Variants in INSR observed in about 807,000 individuals in gnomAD.
The protein encoded by INSR is IR.
In INSR, 67 loss-of-function variants were observed where a neutral mutation model predicts 142.6. The observed-to-expected ratio is 0.47, with a 90% CI of 0.39 to 0.58. The LOEUF is 0.58. Ranked by LOEUF, INSR falls within the 20% of genes least tolerant of loss-of-function variation. The pLI is 0.00. For synonymous variants in INSR, 756 were observed against 743.1 expected, an observed-to-expected ratio of 1.02 and a Z score of -0.28; for missense variants, 1,248 against 1,833.2, an observed-to-expected ratio of 0.68 and a Z score of 5.83.
rs971613288 is a variant in INSR, at chr19:7,166,248, A to G, written c.1767T>C (p.Tyr589=). Residue 589 remains tyrosine, a synonymous_variant, in exon 8 of 22, where the codon TAT becomes TAC. Transcript: ENST00000302850. The surrounding 1 kb of genome is among the most constrained non-coding windows in gnomAD (Gnocchi z 4.1). ...LMRGLKPWTQ[Y]AIFVKTLVTF... is the part of the protein sequence containing the mutation. ...TGACCAGGGTCTTCACAAAGATGGC[A>G]TACTGGGTCCAGGGCTTGAGACCCC... 2 of 1,614,144 alleles carry G rather than the reference A, an allele frequency of 1.2e-6. No individual in the cohort carries two copies. The highest frequency in any genetic ancestry group is 1.3e-5 in the African/African-American group (1 of 75,036).
At chr19:7,185,864 GAGAGAGACAA>G (rs1974416228) in intron 2 of INSR, among the ~76,000 whole-genome samples, 1 of 53,868 alleles carries the variant, frequency 1.9e-5, no homozygotes, top group African/African-American at 6.0e-5. Flanking sequence ...AAAAAAGAGA[GAGAGAGACAA>G]AGAGAGAGAG....
chr19:7,255,240 C>T (rs546618730), intron 2 of INSR, among the ~76,000 whole-genome samples: 1 of 152,310 alleles, frequency 6.6e-6, no homozygotes, highest in East Asian at 1.9e-4. Context: ...TTGACTTCCT[C>T]CCTGACTCAG....
intron 10 of INSR, among the ~76,000 whole-genome samples, chr19:7,151,040 TTTCA>T (rs1186573450): frequency 8.5e-6 from 1 of 117,852 alleles, no homozygotes; most frequent in Non-Finnish European, 1.9e-5. Flanking sequence ...TCCTTCTTTT[TTTCA>T]TTTTCTTTCT....
intron 2 of INSR, among the ~76,000 whole-genome samples, chr19:7,186,877 G>A (rs887018421): frequency 6.6e-6 from 1 of 150,784 alleles, no homozygotes; most frequent in African/African-American, 2.4e-5. Flanking sequence ...GCTAATTTTT[G>A]TATTTTTAGT....
intron 9 of INSR, 78 bp from the exon 10 acceptor site, chr19:7,153,005 C>G: frequency 3.3e-6 from 2 of 604,016 alleles, no homozygotes; most frequent in Admixed American, 6.5e-5. Context: ...ACCCCACACA[C>G]ACACACACCA....
In INSR at chr19:7,174,665, G is replaced by A; in HGVS notation, c.1041C>T (p.Thr347=). Residue 347 remains threonine, a synonymous_variant, in exon 4 of 22, where the codon ACC becomes ACT. Coordinates refer to ENST00000302850, the MANE Select transcript of INSR (RefSeq NM_000208.4). ...KVCHLLEGEK[T]IDSVTSAQEL... ...CCTGGGCAGACGTCACCGAGTCGAT[G>A]GTCTTCTCGCCTTCTAGGAGGTGGC... The A allele has an allele frequency of 6.2e-7, 1 of 1,613,978 alleles. No individual in the cohort carries two copies. The highest frequency in any genetic ancestry group is 8.5e-7 in the Non-Finnish European group (1 of 1,179,958).
intron 2 of INSR, among the ~76,000 whole-genome samples, chr19:7,190,164 G>C (rs1454060327): frequency 6.6e-6 from 1 of 151,710 alleles, no homozygotes; most frequent in African/African-American, 2.4e-5. Context: ...CTGGGTAACA[G>C]AGTGAGATCC....
At position 7,150,610 on chromosome 19, in the gene INSR, C is replaced by T. The variant is rs1175242285; in HGVS notation, c.2232-78G>A. On this transcript the variant is annotated intron_variant, in intron 10 of 21. Coordinates refer to ENST00000302850, the MANE Select transcript of INSR (RefSeq NM_000208.4). The surrounding 1 kb of genome is among the most constrained non-coding windows in gnomAD (Gnocchi z 4.2). ...ACCACTGGGCTCTGACACTTGGAGG[C>T]CACATGTGTCCGAGTAAGGGCACCC... The T allele has an allele frequency of 7.8e-6, 11 of 1,409,112 alleles. No individual in the cohort carries two copies. The African/African-American group carries it at 1.6e-4, about 20-fold the overall frequency. The allele number at this position is 1,409,112 out of a possible 1,614,324, so 87.3% of individuals were successfully genotyped here.
At chr19:7,255,555 T>TTTCCTTCC (rs111349260) in intron 2 of INSR, among the ~76,000 whole-genome samples, 7 of 148,186 alleles carry the variant, frequency 4.7e-5, no homozygotes, top group African/African-American at 1.3e-4. Context: ...TCTTTCTTTC[T>TTTCCTTCC]TTCCTTCCTT....
At chr19:7,240,084 C>T (rs778911631) in intron 2 of INSR, among the ~76,000 whole-genome samples, 2 of 152,152 alleles carry the variant, frequency 1.3e-5, no homozygotes, top group Non-Finnish European at 2.9e-5. Context: ...CCAGTCAGAA[C>T]TGAAATGTGC....
chr19:7,152,570 A>G, intron 10 of INSR, 156 bp downstream of exon 10: 1 of 744,560 alleles, frequency 1.3e-6, no homozygotes, highest in South Asian at 1.4e-5. Context: ...CGAAACTGCA[A>G]GATCTCTTCC....
intron 2 of INSR, among the ~76,000 whole-genome samples, chr19:7,257,175 C>T (rs1347882024): frequency 3.9e-5 from 6 of 151,990 alleles, no homozygotes; most frequent in African/African-American, 1.2e-4. Flanking sequence ...AACTCCTGAC[C>T]TCAGTTGATC....
In INSR at chr19:7,116,763, C is replaced by T; in HGVS notation, c.*293G>A. The T allele has an allele frequency of 5.5e-6, 1 of 182,894 alleles. No individual in the cohort carries two copies. The highest frequency in any genetic ancestry group is 2.3e-4 in the South Asian group (1 of 4,442). The allele number at this position is 182,894 out of a possible 1,614,324, so 11.3% of individuals were successfully genotyped here. A position where few individuals can be genotyped will look rare whatever the true frequency, so the allele number is the denominator to read the frequency against. On this transcript the variant is annotated 3_prime_UTR_variant, in exon 22 of 22. Transcript: ENST00000302850. ...GTGCTTTCTTTCCATCTGCTGGGGGCGGGTGGGGGGAACGAAAAAACACAA... is the reference window on the plus strand; with the variant it reads ...GTGCTTTCTTTCCATCTGCTGGGGGTGGGTGGGGGGAACGAAAAAACACAA...
rs1972379695 is a variant in INSR, at chr19:7,117,988, C to T, written c.3795-578G>A. On this transcript the variant is annotated intron_variant, in intron 21 of 21. Transcript: ENST00000302850. ...GTGGCGCAATCATAGCTCATTGCAG[C>T]CTTGAACTCCTGGGCTCAAGCCATC... 2.6e-5 allele frequency among the ~76,000 whole-genome samples: 4 copies of T among 151,728 alleles called. No individual in the cohort carries two copies. In the South Asian group the frequency reaches 8.4e-4, roughly 32 times the overall value.
At chr19:7,153,345 C>A (rs759677420) in intron 9 of INSR, among the ~76,000 whole-genome samples, 6 of 3,404 alleles carry the variant, frequency 1.8e-3, no homozygotes, top group South Asian at 9.1e-3. Context: ...CGCCACACAC[C>A]ACAGACCACA....
rs761830834 is a variant in INSR, at chr19:7,115,941, G to C, written c.*1115C>G. ...TTGTGCCTGACTCCCTCCCCTTCCCGGCCCCACAACAGGCAGACCAACTCA... is the reference window on the plus strand; with the variant it reads ...TTGTGCCTGACTCCCTCCCCTTCCCCGCCCCACAACAGGCAGACCAACTCA... On this transcript the variant is annotated 3_prime_UTR_variant, in exon 22 of 22. Transcript: ENST00000302850. The C allele has an allele frequency of 6.6e-6, 1 of 151,934 alleles. No individual in the cohort carries two copies. The highest frequency in any genetic ancestry group is 1.5e-5 in the Non-Finnish European group (1 of 67,962). The allele number at this position is 151,934 out of a possible 1,614,324, so 9.4% of individuals were successfully genotyped here. A position where few individuals can be genotyped will look rare whatever the true frequency, so the allele number is the denominator to read the frequency against.
chr19:7,249,714 T>C (rs377156658), intron 2 of INSR, among the ~76,000 whole-genome samples: 28 of 152,128 alleles, frequency 1.8e-4, no homozygotes, highest in African/African-American at 3.6e-4. Context: ...AATTAGCGGC[T>C]GGGCGCGGTG....
intron 2 of INSR, among the ~76,000 whole-genome samples, chr19:7,214,849 C>T (rs1466521193): frequency 1.4e-5 from 2 of 140,370 alleles, no homozygotes; most frequent in Admixed American, 7.3e-5. Flanking sequence ...TCCTTCCTTC[C>T]TTCTTCCCTC....
intron 1 of INSR, among the ~76,000 whole-genome samples, chr19:7,276,210 A>G (rs999860693): frequency 6.6e-6 from 1 of 151,726 alleles, no homozygotes; most frequent in Non-Finnish European, 1.5e-5. Context: ...CAGTGGTGCA[A>G]TCATAGCTCA....
Sources: gnomAD v4.1 joint callset for allele counts (sites outside exome capture counted in the v4.1 genomes callset) on GRCh38, gnomAD v4.1.1 for gene constraint, Gnocchi (gnomAD v3.1) non-coding constraint, MANE v1.5 for transcripts, NCBI Gene and HGNC (gene_info 2026-07-23, HGNC 2026-07-21) for gene names.